The following AFDN variants were observed in gnomAD, a reference collection of about 807,000 sequenced individuals.
AFDN encodes afadin.
AFDN carries 68 observed loss-of-function variants against 216.6 expected under a neutral mutation model. The ratio of observed to expected loss-of-function variants is 0.31; its 90% confidence interval spans 0.26 to 0.38. The LOEUF (loss-of-function observed/expected upper bound fraction) is 0.38, where lower values mean the gene tolerates loss of function less well. Ranked by LOEUF, AFDN falls within the 10% of genes least tolerant of loss-of-function variation. The pLI is 1.00. For synonymous variants in AFDN, 868 were observed against 853.7 expected (o/e 1.02, Z -0.29); for missense variants, 2,136 against 2,342.0 (o/e 0.91, Z 1.82).
intron 30 of AFDN, 189 bp downstream of exon 30, chr6:167,952,376 A>G: frequency 1.4e-6 from 2 of 1,469,160 alleles, no homozygotes; most frequent in East Asian, 4.8e-5. Flanking sequence ...ATAAGGCTAA[A>G]TTTTTTAAGA....
chr6:167,893,863 G>A lies in AFDN; in HGVS notation c.1179G>A (p.Gly393=), dbSNP rs1194397498. ...KLPYLVELSP[G]RRNHFAYYNY... ...TCCTGGCATGTGTCTTAACCCCAGG[G>A]AGAAGGAATCACTTTGCCTACTACA... Residue 393 remains glycine (G), a splice_region_variant and synonymous_variant, in exon 9 of 34, where the codon GGG becomes GGA. Transcript: ENST00000683244. 6.3e-7 allele frequency: 1 copy of A among 1,586,690 alleles called. No homozygotes were observed. The highest frequency in any genetic ancestry group is 2.3e-5 in the East Asian group (1 of 44,110).
At chr6:167,915,074 A>G (rs1354230338) in intron 18 of AFDN, 94 bp from the exon 19 acceptor site, 1 of 1,321,178 alleles carries the variant, frequency 7.6e-7, no homozygotes, top group Non-Finnish European at 1.1e-6. Context: ...GGCACTTACT[A>G]CCATAGGTAC....
chr6:167,928,604 G>C (rs968271357), intron 23 of AFDN, among the ~76,000 whole-genome samples: 1 of 152,226 alleles, frequency 6.6e-6, no homozygotes, highest in Non-Finnish European at 1.5e-5. Flanking sequence ...CAGCTCAGAC[G>C]CTCAGGCACG....
intron 23 of AFDN, among the ~76,000 whole-genome samples, chr6:167,926,417 A>G (rs1369638203): frequency 6.6e-6 from 1 of 152,242 alleles, no homozygotes; most frequent in Non-Finnish European, 1.5e-5. Flanking sequence ...ATTTGCATCT[A>G]CTGTCCCATC....
In AFDN at chr6:167,951,160, TATA is replaced by T; in HGVS notation, c.3832-20_3832-18del. 1 of 1,515,220 alleles carries T rather than the reference TATA, an allele frequency of 6.6e-7. No homozygotes were observed. Among genetic ancestry groups the T allele is most frequent in the South Asian group, 1.4e-5 (1 of 73,994 alleles). The allele number at this position is 1,515,220 out of a possible 1,614,324, so 93.9% of individuals were successfully genotyped here. On this transcript the variant is annotated intron_variant, in intron 29 of 33. Coordinates refer to ENST00000683244, the MANE Select transcript of AFDN (RefSeq NM_001386888.1). This position sits in a 1 kb window ranked among gnomAD's most constrained non-coding sequence, Gnocchi z 7.1. ...GGTAATTTCTAGTAAATGGCTGAAA[TATA>T]ATAATTCTTTTTCTTTTTGCAGCGT...
chr6:167,949,169 TAGAG>T (rs928279414), intron 29 of AFDN, among the ~76,000 whole-genome samples: 1 of 152,204 alleles, frequency 6.6e-6, no homozygotes, highest in Non-Finnish European at 1.5e-5. Context: ...GTTTTCTTTT[TAGAG>T]AGATAACTGT....
At chr6:167,935,477 G>A (rs557960458) in intron 23 of AFDN, among the ~76,000 whole-genome samples, 113 of 152,272 alleles carry the variant, frequency 7.4e-4, no homozygotes, top group Non-Finnish European at 1.0e-3. Context: ...GTATTTAAGT[G>A]TGGTTAATTA....
chr6:167,907,608 T>C (rs1280672388), intron 13 of AFDN, among the ~76,000 whole-genome samples: 1 of 152,212 alleles, frequency 6.6e-6, no homozygotes, highest in Non-Finnish European at 1.5e-5. Context: ...TTGATGATTT[T>C]TGTATTTAGA....
chr6:167,918,824 T>A lies in AFDN; in HGVS notation c.2799T>A (p.Asp933Glu), dbSNP rs1562672509. Residue 933 changes from aspartate to glutamate, a missense_variant, in exon 21 of 34, where the codon GAT (aspartate) becomes GAA (glutamate). Coordinates refer to ENST00000683244, the MANE Select transcript of AFDN (RefSeq NM_001386888.1). Reference protein sequence around the residue: ...SDGREVQLEEDPDLQLPFLLP... With the variant: ...SDGREVQLEEEPDLQLPFLLP... Reference sequence around the variant, plus strand: ...GAAGGGAAGTGCAGTTGGAGGAGGATCCTGATCTGCAGCTGCCGTTTCTTT... The same window carrying A: ...GAAGGGAAGTGCAGTTGGAGGAGGAACCTGATCTGCAGCTGCCGTTTCTTT... 6.2e-7 allele frequency: 1 copy of A among 1,612,752 alleles called. No individual in the cohort carries two copies. The highest frequency in any genetic ancestry group is 8.5e-7 in the Non-Finnish European group (1 of 1,179,358).
chr6:167,971,570 C>G lies in AFDN; in HGVS notation c.*1635C>G, dbSNP rs1798027716. ...GAAGTTCTAGGAAAAGCAGGCACCT[C>G]CCAAATATCTTGAGGACACTGGCAG... On this transcript the variant is annotated 3_prime_UTR_variant, in exon 34 of 34. Coordinates refer to ENST00000683244, the MANE Select transcript of AFDN (RefSeq NM_001386888.1). 1 of 194,638 alleles carries G rather than the reference C, an allele frequency of 5.1e-6. No individual in the cohort carries two copies. Among genetic ancestry groups the G allele is most frequent in the Non-Finnish European group, 1.1e-5 (1 of 93,726 alleles). 12.1% of individuals were successfully genotyped at this position (194,638 alleles called of 1,614,324 possible).
At chr6:167,963,550 C>CT (rs1236025445) in intron 31 of AFDN, 19 of 1,057,444 alleles carry the variant, frequency 1.8e-5, no homozygotes, top group Non-Finnish European at 1.9e-5. Context: ...ACAGAACAAT[C>CT]TAAGAGTAAG....
chr6:167,951,164 A>G lies in AFDN; in HGVS notation c.3832-22A>G, dbSNP rs755368522. ...ATTTCTAGTAAATGGCTGAAATATAATAATTCTTTTTCTTTTTGCAGCGTG... is the reference window on the plus strand; with the variant it reads ...ATTTCTAGTAAATGGCTGAAATATAGTAATTCTTTTTCTTTTTGCAGCGTG... On this transcript the variant is annotated intron_variant, in intron 29 of 33. Transcript: ENST00000683244. This position sits in a 1 kb window ranked among gnomAD's most constrained non-coding sequence, Gnocchi z 7.1. 2.0e-6 allele frequency: 3 copies of G among 1,517,552 alleles called. No homozygotes were observed. Among genetic ancestry groups the G allele is most frequent in the South Asian group, 2.7e-5 (2 of 74,508 alleles). The allele number at this position is 1,517,552 out of a possible 1,614,324, so 94.0% of individuals were successfully genotyped here.
intron 26 of AFDN, among the ~76,000 whole-genome samples, chr6:167,944,523 T>G (rs1795049100): frequency 6.6e-6 from 1 of 152,326 alleles, no homozygotes; most frequent in South Asian, 2.1e-4. Flanking sequence ...GTAGTTACCT[T>G]AGTCCTGCAT....
At chr6:167,943,496 T>C in intron 25 of AFDN, 21 bp downstream of exon 25, 1 of 1,585,384 alleles carries the variant, frequency 6.3e-7, no homozygotes, top group Non-Finnish European at 8.7e-7. Context: ...TTTATTTGCT[T>C]GAAGCATAGT....
intron 6 of AFDN, among the ~76,000 whole-genome samples, chr6:167,886,543 C>T (rs576517480): frequency 2.6e-5 from 4 of 152,026 alleles, no homozygotes; most frequent in Non-Finnish European, 5.9e-5. Flanking sequence ...TGTTACAATC[C>T]TGGGCCTTAT....
intron 5 of AFDN, among the ~76,000 whole-genome samples, chr6:167,878,617 C>T (rs1197579849): frequency 2.6e-5 from 4 of 152,048 alleles, no homozygotes. Context: ...GTCTCTCTCT[C>T]TCTCTCATAC....
chr6:167,898,079 G>A (rs894819291), intron 10 of AFDN, 126 bp from the exon 11 acceptor site: 3 of 992,272 alleles, frequency 3.0e-6, no homozygotes, highest in South Asian at 1.8e-5. Flanking sequence ...ACTTTAAAAG[G>A]CACTAAAAAT....
intron 31 of AFDN, chr6:167,964,671 G>A (rs1347596096): frequency 2.8e-6 from 3 of 1,059,200 alleles, no homozygotes; most frequent in Non-Finnish European, 3.4e-6. Context: ...TAGCTCTAGA[G>A]GGAGTAGGGA....
chr6:167,856,160 C>A (rs1053555801), intron 1 of AFDN, among the ~76,000 whole-genome samples: 9 of 152,088 alleles, frequency 5.9e-5, no homozygotes, highest in African/African-American at 2.2e-4. Flanking sequence ...TGCCACAGAA[C>A]TTGTGTTCAA....
Sources: gnomAD v4.1 joint callset for allele counts (sites outside exome capture counted in the v4.1 genomes callset) on GRCh38, gnomAD v4.1.1 for gene constraint, Gnocchi (gnomAD v3.1) non-coding constraint, MANE v1.5 for transcripts, NCBI Gene and HGNC (gene_info 2026-07-23, HGNC 2026-07-21) for gene names.